Variants in OPCML observed in about 807,000 individuals in gnomAD.
OPCML encodes opioid-binding protein/cell adhesion molecule.
Under a neutral mutation model 37.8 loss-of-function variants are expected in OPCML, and 13 were observed. The ratio of observed to expected loss-of-function variants is 0.34; its 90% CI spans 0.22 to 0.55. OPCML has a LOEUF of 0.55. OPCML is among the 20% of genes least tolerant of loss of function. The probability of loss-of-function intolerance (pLI) is 0.91; values close to 1 mark genes in which losing one functional copy is unlikely to be tolerated. For synonymous variants in OPCML, 176 were observed against 168.8 expected (o/e 1.04, Z -0.33); for missense variants, 341 against 435.6 (o/e 0.78, Z 1.93).
intron 2 of OPCML, among the ~76,000 whole-genome samples, chr11:132,866,132 G>C (rs1004462570): frequency 2.0e-5 from 3 of 151,516 alleles, no homozygotes; most frequent in Non-Finnish European, 4.4e-5. Flanking sequence ...ACTTTAATGC[G>C]ATCTCAAATT....
In OPCML at chr11:133,121,738, C is replaced by T. The variant is rs551930638; in HGVS notation, c.62-178728G>A. 4.2e-4 allele frequency among the ~76,000 whole-genome samples: 64 copies of T among 152,278 alleles called. 3 individuals carry two copies. The South Asian group carries it at 0.013, about 31-fold the overall frequency. On this transcript the variant is annotated intron_variant, in intron 1 of 7. Transcript: ENST00000524381. The stretch of plus-strand genomic sequence containing the variant: ...AAAGTTCATTTGTTTCATGCCTACC[C>T]ATTTAAGGCTCTTGAAATCTGCCAG...
intron 2 of OPCML, among the ~76,000 whole-genome samples, chr11:132,671,837 A>C (rs568755113): frequency 1.3e-5 from 2 of 152,280 alleles, no homozygotes; most frequent in East Asian, 3.9e-4. Flanking sequence ...AAAAGGAAGA[A>C]AAAAAAGAGA....
At chr11:132,973,890 C>G (rs563346134) in intron 1 of OPCML, among the ~76,000 whole-genome samples, 1 of 147,290 alleles carries the variant, frequency 6.8e-6, no homozygotes, top group Admixed American at 6.6e-5. Context: ...TACCCCTTAC[C>G]AAGCATAGAG....
intron 1 of OPCML, among the ~76,000 whole-genome samples, chr11:133,233,551 C>G (rs111450997): frequency 3.3e-5 from 5 of 152,188 alleles, no homozygotes; most frequent in African/African-American, 9.7e-5. Context: ...CTAAAACACC[C>G]CTTAGTGCTC....
At chr11:133,346,441 G>A (rs960365153) in intron 1 of OPCML, among the ~76,000 whole-genome samples, 1 of 152,168 alleles carries the variant, frequency 6.6e-6, no homozygotes, top group African/African-American at 2.4e-5. Flanking sequence ...GGCCAATATC[G>A]AGAGATGTGA....
chr11:132,607,882 G>T (rs1938404391), intron 3 of OPCML, among the ~76,000 whole-genome samples: 1 of 152,152 alleles, frequency 6.6e-6, no homozygotes, highest in Admixed American at 6.5e-5. Context: ...AAGAAAGGGA[G>T]GTTGAGTCGT....
At chr11:132,986,643 T>C (rs1458809082) in intron 1 of OPCML, among the ~76,000 whole-genome samples, 1 of 152,056 alleles carries the variant, frequency 6.6e-6, no homozygotes, top group East Asian at 1.9e-4. Flanking sequence ...TTGGAAAAAA[T>C]ATAGAAAGTT....
chr11:132,527,238 AT>A (rs2096310794), intron 4 of OPCML, among the ~76,000 whole-genome samples: 1 of 152,180 alleles, frequency 6.6e-6, no homozygotes, highest in African/African-American at 2.4e-5. Flanking sequence ...TTTATCTTGA[AT>A]AAATGCCTAG....
chr11:133,522,226 T>C (rs1253084585), intron 1 of OPCML, among the ~76,000 whole-genome samples: 3 of 152,202 alleles, frequency 2.0e-5, no homozygotes, highest in East Asian at 1.9e-4. Flanking sequence ...AGATTTTCTC[T>C]TGGCTTAGTG....
intron 1 of OPCML, among the ~76,000 whole-genome samples, chr11:133,061,726 G>A (rs1056436333): frequency 3.9e-5 from 6 of 152,060 alleles, no homozygotes; most frequent in African/African-American, 1.4e-4. Context: ...TAGCTGGAAG[G>A]GAGAAGTTCT....
At chr11:132,990,152 C>T (rs771105588) in intron 1 of OPCML, among the ~76,000 whole-genome samples, 7 of 152,142 alleles carry the variant, frequency 4.6e-5, no homozygotes, top group Non-Finnish European at 7.4e-5. Context: ...TGAAAGCAGG[C>T]GGGGTCATTC....
chr11:132,780,594 G>A (rs1003608479), intron 2 of OPCML, among the ~76,000 whole-genome samples: 9 of 152,134 alleles, frequency 5.9e-5, no homozygotes, highest in Non-Finnish European at 1.2e-4. Context: ...TGAGTCCGCA[G>A]GTTTGAATTG....
chr11:132,886,354 C>T (rs966303126), intron 2 of OPCML, among the ~76,000 whole-genome samples: 36 of 152,156 alleles, frequency 2.4e-4, no homozygotes, highest in African/African-American at 8.4e-4. Context: ...TGGGTGGGGG[C>T]GGCTTGCCCC....
intron 4 of OPCML, among the ~76,000 whole-genome samples, chr11:132,453,664 A>G (rs1057127652): frequency 1.4e-4 from 21 of 152,354 alleles, no homozygotes; most frequent in African/African-American, 5.0e-4. Context: ...GCCCCTCGGC[A>G]GGGTTTCGAG....
chr11:132,882,772 A>G (rs1354790), intron 2 of OPCML, among the ~76,000 whole-genome samples: 51,688 of 151,968 alleles, frequency 0.34, 9,285 homozygotes, highest in East Asian at 0.45. Flanking sequence ...AAATGCTTAC[A>G]TCTGCTTGAG....
chr11:133,358,693 G>A (rs942702725), intron 1 of OPCML, among the ~76,000 whole-genome samples: 1 of 152,192 alleles, frequency 6.6e-6, no homozygotes, highest in African/African-American at 2.4e-5. Flanking sequence ...GGGCTCTGAG[G>A]ATGAGACAGT....
chr11:132,781,939 T>C (rs1947036556), intron 2 of OPCML, among the ~76,000 whole-genome samples: 1 of 54,880 alleles, frequency 1.8e-5, no homozygotes, highest in Admixed American at 1.7e-4. Flanking sequence ...TATATATACA[T>C]ATATATATAT....
At chr11:132,804,362 C>A (rs1448923816) in intron 2 of OPCML, among the ~76,000 whole-genome samples, 1 of 152,098 alleles carries the variant, frequency 6.6e-6, no homozygotes, top group Non-Finnish European at 1.5e-5. Flanking sequence ...TACAAGGTGG[C>A]AAACTAGAGA....
At chr11:132,468,726 T>C (rs2096126828) in intron 4 of OPCML, among the ~76,000 whole-genome samples, 1 of 152,226 alleles carries the variant, frequency 6.6e-6, no homozygotes, top group Non-Finnish European at 1.5e-5. Context: ...TACATAACGC[T>C]CTGTGAGGAC....
Sources: allele counts gnomAD v4.1 joint callset (sites outside exome capture counted in the v4.1 genomes callset), GRCh38; gene constraint gnomAD v4.1.1; transcripts MANE v1.5; gene names NCBI Gene and HGNC (gene_info 2026-07-23, HGNC 2026-07-21).